The following MYO7A variants were observed in gnomAD, a reference collection of about 807,000 sequenced individuals.
MYO7A encodes the protein myosin VIIA.
Under a neutral mutation model 263.8 loss-of-function variants are expected in MYO7A, and 210 were observed. The observed-to-expected ratio is 0.80, with a 90% confidence interval of 0.71 to 0.89. MYO7A has a LOEUF of 0.89. MYO7A is among the 40% of genes least tolerant of loss of function. MYO7A has a pLI of 0.00. For missense variants in MYO7A, 2,820 were observed against 2,968.3 expected, an observed-to-expected ratio of 0.95 and a Z score of 1.16; for synonymous variants, 1,239 against 1,197.3, an observed-to-expected ratio of 1.03 and a Z score of -0.72.
intron 27 of MYO7A, among the ~76,000 whole-genome samples, chr11:77,187,910 G>A (rs1015331279): frequency 3.3e-5 from 5 of 152,136 alleles, no homozygotes; most frequent in Admixed American, 1.3e-4. Context: ...TCAGGCCCCC[G>A]TTTTTATCTC....
At chr11:77,141,713 G>A (rs1392071724) in intron 2 of MYO7A, among the ~76,000 whole-genome samples, 5 of 152,116 alleles carry the variant, frequency 3.3e-5, no homozygotes, top group Non-Finnish European at 7.3e-5. Flanking sequence ...TGGGATTACT[G>A]TCCCCTGCTT....
chr11:77,202,749 G>C (rs1437773919), intron 37 of MYO7A, among the ~76,000 whole-genome samples: 1 of 151,716 alleles, frequency 6.6e-6, no homozygotes, highest in South Asian at 2.1e-4. Flanking sequence ...GGCGGGGGGT[G>C]GGGGGCAGTG....
chr11:77,190,839 G>A lies in MYO7A; in HGVS notation c.3893G>A (p.Gly1298Glu). The A allele has an allele frequency of 1.9e-6, 3 of 1,586,298 alleles. No individual in the cohort carries two copies. The highest frequency in any genetic ancestry group is 1.8e-5 in the Admixed American group (1 of 56,068). The change falls in exon 30 of 49, where the codon GGG becomes GAG. Residue 1298 changes from glycine (G) to glutamate (E), a missense_variant. Transcript: ENST00000409709. ...ADKISLKDRF[G>E]FSLYIALFDK... Reference sequence around the variant, plus strand: ...AAGATCTCTCTCAAGGACCGGTTCGGGTTCTCCCTCTACATTGCCCTGTTT... The same window carrying A: ...AAGATCTCTCTCAAGGACCGGTTCGAGTTCTCCCTCTACATTGCCCTGTTT...
chr11:77,179,116 A>G lies in MYO7A; in HGVS notation c.2354A>G (p.Lys785Arg). The change falls in exon 20 of 49, where the codon AAG becomes AGG. Residue 785 changes from lysine (K) to arginine (R), a missense_variant. Coordinates refer to ENST00000409709, the MANE Select transcript of MYO7A (RefSeq NM_000260.4). ...QRHWRGHNCR[K>R]NYGLMRLGFL... ...CACTGGCGGGGTCACAACTGTAGGAAGAACTACGGGCTGGTGAGCCTCCCC... is the reference window on the plus strand; with the variant it reads ...CACTGGCGGGGTCACAACTGTAGGAGGAACTACGGGCTGGTGAGCCTCCCC... The G allele has an allele frequency of 1.9e-6, 3 of 1,602,802 alleles. No homozygotes were observed. The highest frequency in any genetic ancestry group is 1.7e-6 in the Non-Finnish European group (2 of 1,175,090).
At position 77,174,934 on chromosome 11, in the gene MYO7A, G is replaced by C; in HGVS notation, c.2094+20G>C. ...AAGCAGGTACAGGGCTGAGTGCACA[G>C]AGGGCAGGAGGGGAGGGTCCCAGCT... On this transcript the variant is annotated intron_variant, in intron 17 of 48. Coordinates refer to ENST00000409709, the MANE Select transcript of MYO7A (RefSeq NM_000260.4). 1 of 1,602,614 alleles carries C rather than the reference G, an allele frequency of 6.2e-7. No homozygotes were observed. Among genetic ancestry groups the C allele is most frequent in the Non-Finnish European group, 8.5e-7 (1 of 1,170,764 alleles).
intron 2 of MYO7A, among the ~76,000 whole-genome samples, chr11:77,131,001 G>T (rs1950749025): frequency 6.6e-6 from 1 of 152,238 alleles, no homozygotes; most frequent in African/African-American, 2.4e-5. Context: ...GCCAGGAAGG[G>T]CCCTGAGCCC....
At chr11:77,131,744 G>A (rs1268996735) in intron 2 of MYO7A, among the ~76,000 whole-genome samples, 1 of 152,318 alleles carries the variant, frequency 6.6e-6, no homozygotes, top group Non-Finnish European at 1.5e-5. Context: ...GCTGTGGGTG[G>A]CCTCTGTTGG....
intron 2 of MYO7A, among the ~76,000 whole-genome samples, chr11:77,133,973 A>G (rs145055757): frequency 1.1e-3 from 170 of 152,322 alleles, no homozygotes; most frequent in Middle Eastern, 3.4e-3. Context: ...CTTGTAGCCC[A>G]TGCTGGAGTG....
In MYO7A at chr11:77,160,168, C is replaced by T. The variant is rs1238854527; in HGVS notation, c.1086C>T (p.Asn362=). The change falls in exon 11 of 49, where the codon AAC becomes AAT. Residue 362 remains asparagine (N), a synonymous_variant. Transcript: ENST00000409709. ...TGGGGTGTTGCCTGTACCAGGTGAA[C>T]CCCCCAGACCTGATGAGCTGCCTGA... ...LATAASLLEV[N]PPDLMSCLTS... 7 of 1,558,534 alleles carry T rather than the reference C, an allele frequency of 4.5e-6. No homozygotes were observed. In the African/African-American group the frequency reaches 9.6e-5, roughly 21 times the overall value.
chr11:77,165,591 C>T (rs1372147668), intron 14 of MYO7A, among the ~76,000 whole-genome samples: 1 of 152,220 alleles, frequency 6.6e-6, no homozygotes, highest in Non-Finnish European at 1.5e-5. Context: ...CTACCTGTCC[C>T]ACATAGAAGG....
Position 77,190,002 on chromosome 11 carries a change from C to A in MYO7A, c.3631-18C>A, listed in dbSNP as rs561872459. 2 of 1,520,768 alleles carry A rather than the reference C, an allele frequency of 1.3e-6. No homozygotes were observed. Among genetic ancestry groups the A allele is most frequent in the Non-Finnish European group, 8.8e-7 (1 of 1,130,466 alleles). 94.2% of individuals were successfully genotyped at this position (1,520,768 alleles called of 1,614,324 possible). A position where few individuals can be genotyped will look rare whatever the true frequency, so the allele number is the denominator to read the frequency against. On this transcript the variant is annotated intron_variant, in intron 28 of 48. Transcript: ENST00000409709. The stretch of plus-strand genomic sequence containing the variant: ...TGGGGAGCCCCAGGGGCCGCCTCAG[C>A]GGGTACTCTGGCTGCAGTACCTGCG...
At chr11:77,164,966 A>G (rs1185692798) in intron 14 of MYO7A, among the ~76,000 whole-genome samples, 2 of 152,228 alleles carry the variant, frequency 1.3e-5, no homozygotes, top group Non-Finnish European at 2.9e-5. Context: ...CGTCTTATTT[A>G]TGATGTGGAT....
chr11:77,186,951 T>C (rs1424500879), intron 27 of MYO7A, among the ~76,000 whole-genome samples: 1 of 152,196 alleles, frequency 6.6e-6, no homozygotes, highest in Non-Finnish European at 1.5e-5. Context: ...ACTTGAACAC[T>C]TAGAGGCCAT....
At chr11:77,158,904 C>G (rs557698670) in intron 9 of MYO7A, among the ~76,000 whole-genome samples, 1 of 152,278 alleles carries the variant, frequency 6.6e-6, no homozygotes, top group African/African-American at 2.4e-5. Flanking sequence ...GGTGGCAGGT[C>G]CCACTCTGCT....
At chr11:77,209,828 C>G (rs545846602) in intron 44 of MYO7A, among the ~76,000 whole-genome samples, 1 of 152,194 alleles carries the variant, frequency 6.6e-6, no homozygotes, top group East Asian at 1.9e-4. Flanking sequence ...TCCAGATTCC[C>G]CCAGTGGATT....
chr11:77,152,186 A>G (rs1321711505), intron 4 of MYO7A, among the ~76,000 whole-genome samples: 2 of 152,230 alleles, frequency 1.3e-5, no homozygotes, highest in East Asian at 3.8e-4. Flanking sequence ...TTGTAGATAG[A>G]TAAGTAGTTA....
chr11:77,160,342 T>C (rs1277263285), intron 11 of MYO7A, 60 bp downstream of exon 11: 22 of 1,524,524 alleles, frequency 1.4e-5, no homozygotes, highest in Admixed American at 2.0e-5. Context: ...GGGCTCTTGA[T>C]GGGCAGGTGC....
chr11:77,181,321 C>G, intron 22 of MYO7A, 59 bp from the exon 23 acceptor site: 1 of 1,465,372 alleles, frequency 6.8e-7, no homozygotes, highest in Non-Finnish European at 9.1e-7. Flanking sequence ...GAGCTTGTTC[C>G]CTGAGGCTGT....
intron 44 of MYO7A, chr11:77,209,326 G>A (rs1167222361): frequency 6.5e-6 from 1 of 154,612 alleles, no homozygotes; most frequent in African/African-American, 2.4e-5. Flanking sequence ...TGATGGAACT[G>A]GGGTTTGATT....
Sources: allele counts gnomAD v4.1 joint callset (sites outside exome capture counted in the v4.1 genomes callset), GRCh38; gene constraint gnomAD v4.1.1; transcripts MANE v1.5; gene names NCBI Gene and HGNC (gene_info 2026-07-23, HGNC 2026-07-21).